Variants in BEND3 observed in about 807,000 individuals in gnomAD.
The protein encoded by BEND3 is BEN domain-containing protein 3.
Under a neutral mutation model 60.1 loss-of-function variants are expected in BEND3, and 13 were observed. That is an observed-to-expected ratio of 0.22 (90% CI 0.14 to 0.34). BEND3 has a LOEUF of 0.34. BEND3 is among the 10% of genes least tolerant of loss of function. BEND3 has a pLI of 1.00. For missense variants in BEND3, 896 were observed against 1,138.1 expected (o/e 0.79, Z 3.06); for synonymous variants, 497 against 491.5 (o/e 1.01, Z -0.15).
chr6:107,107,173 C>G (rs1264909726), intron 1 of BEND3, among the ~76,000 whole-genome samples: 1 of 151,456 alleles, frequency 6.6e-6, no homozygotes, highest in African/African-American at 2.4e-5. Flanking sequence ...CTGACCTCAG[C>G]TGATCCACCC....
chr6:107,097,295 A>T (rs1462050471), intron 3 of BEND3, among the ~76,000 whole-genome samples: 1 of 151,594 alleles, frequency 6.6e-6, no homozygotes, highest in Non-Finnish European at 1.5e-5. Context: ...TGAACCCAGG[A>T]GGCGGAGGTT....
At chr6:107,109,671 C>T (rs1222982482) in intron 1 of BEND3, among the ~76,000 whole-genome samples, 1 of 150,660 alleles carries the variant, frequency 6.6e-6, no homozygotes, top group East Asian at 2.0e-4. Context: ...GTCAGGAGTT[C>T]GAGACCAGCC....
At chr6:107,087,188 G>C (rs191589673) in intron 3 of BEND3, among the ~76,000 whole-genome samples, 3 of 149,572 alleles carry the variant, frequency 2.0e-5, no homozygotes, top group Non-Finnish European at 3.0e-5. Flanking sequence ...AAAAATCAGC[G>C]AACGCCTGTA....
Position 107,074,522 on chromosome 6 carries a change from T to C in BEND3, c.241-3572A>G, listed in dbSNP as rs548040315. On this transcript the variant is annotated intron_variant, in intron 3 of 3. Coordinates refer to ENST00000369042, the MANE Select transcript of BEND3 (RefSeq NM_001367314.1). ...CTGTAGGGGACTTTTATTAGGGGAG[T>C]TGTAATGACACTCTCAAGTACACTG... Among the ~76,000 whole-genome samples, 7 of 151,854 alleles carry C rather than the reference T, an allele frequency of 4.6e-5. No homozygotes were observed. The East Asian group carries it at 9.7e-4, about 21-fold the overall frequency.
chr6:107,084,503 A>G (rs1318480256), intron 3 of BEND3, among the ~76,000 whole-genome samples: 1 of 151,804 alleles, frequency 6.6e-6, no homozygotes, highest in Non-Finnish European at 1.5e-5. Flanking sequence ...CTCTGTAAAA[A>G]CGCACCAATC....
chr6:107,107,639 T>C (rs1554237727), intron 1 of BEND3, among the ~76,000 whole-genome samples: 1 of 152,094 alleles, frequency 6.6e-6, no homozygotes, highest in African/African-American at 2.4e-5. Flanking sequence ...ATTTCTGTAT[T>C]TTCAGTAGAG....
intron 3 of BEND3, among the ~76,000 whole-genome samples, chr6:107,075,033 G>A (rs1408289481): frequency 2.6e-5 from 4 of 151,888 alleles, no homozygotes; most frequent in Non-Finnish European, 4.4e-5. Flanking sequence ...CCCGGGAGGC[G>A]GAGGTGGCAG....
At chr6:107,112,540 G>T (rs1770129655) in intron 1 of BEND3, among the ~76,000 whole-genome samples, 1 of 151,990 alleles carries the variant, frequency 6.6e-6, no homozygotes, top group Non-Finnish European at 1.5e-5. Context: ...CAAGAAGATG[G>T]CATCTCTGGT....
chr6:107,088,599 T>G (rs1275047160), intron 3 of BEND3, among the ~76,000 whole-genome samples: 1 of 151,868 alleles, frequency 6.6e-6, no homozygotes, highest in Admixed American at 6.6e-5. Context: ...CTGAAAGAAG[T>G]AAGGTGGGGA....
chr6:107,091,972 T>C (rs1775485930), intron 3 of BEND3, among the ~76,000 whole-genome samples: 1 of 152,146 alleles, frequency 6.6e-6, no homozygotes, highest in Non-Finnish European at 1.5e-5. Flanking sequence ...TAAAAAAAAC[T>C]GAGGCCAGGC....
chr6:107,097,131 C>T (rs1414865643), intron 3 of BEND3, among the ~76,000 whole-genome samples: 1 of 152,152 alleles, frequency 6.6e-6, no homozygotes, highest in Non-Finnish European at 1.5e-5. Context: ...CTTTGGGAGG[C>T]TGAGGCAGGC....
chr6:107,073,419 G>T (rs1449852027), intron 3 of BEND3, among the ~76,000 whole-genome samples: 2 of 151,186 alleles, frequency 1.3e-5, no homozygotes, highest in Non-Finnish European at 2.9e-5. Flanking sequence ...TCCCTCTGGG[G>T]TCTCCTTGCC....
At chr6:107,111,894 A>T (rs1297970170) in intron 1 of BEND3, among the ~76,000 whole-genome samples, 1 of 151,908 alleles carries the variant, frequency 6.6e-6, no homozygotes, top group African/African-American at 2.4e-5. Context: ...AGGCAGGAGA[A>T]TCACTTGAAC....
At chr6:107,112,649 T>G (rs1355438274) in intron 1 of BEND3, among the ~76,000 whole-genome samples, 7 of 151,068 alleles carry the variant, frequency 4.6e-5, no homozygotes, top group Admixed American at 4.6e-4. Flanking sequence ...AGGTCGGGAG[T>G]TCGAGACCAG....
At chr6:107,075,725 A>G (rs1254118948) in intron 3 of BEND3, among the ~76,000 whole-genome samples, 2 of 152,354 alleles carry the variant, frequency 1.3e-5, no homozygotes, top group African/African-American at 4.8e-5. Flanking sequence ...GAAAGAGATC[A>G]TCAGAAACGT....
chr6:107,114,793 C>T (rs1445029996), intron 1 of BEND3, among the ~76,000 whole-genome samples: 3 of 147,004 alleles, frequency 2.0e-5, no homozygotes, highest in African/African-American at 4.9e-5. Flanking sequence ...CCCCGCGCGG[C>T]GCGCGTGCTC....
intron 3 of BEND3, among the ~76,000 whole-genome samples, chr6:107,086,539 T>C (rs1394598106): frequency 6.6e-6 from 1 of 151,610 alleles, no homozygotes; most frequent in East Asian, 2.0e-4. Flanking sequence ...CGCTTGAATC[T>C]GGGAGGCGAA....
rs564374831 is a variant in BEND3 at position 107,088,813 on chromosome 6, T to C, written c.240+9738A>G. Among the ~76,000 whole-genome samples, 27 of 152,310 alleles carry C rather than the reference T, an allele frequency of 1.8e-4. 1 individual carries two copies. The South Asian group carries it at 5.0e-3, about 28-fold the overall frequency. ...ATCAAGAAAGTAATATAATTTACGATAGCTACAAATAAAAATAAAGTATCT... is the reference window on the plus strand; with the variant it reads ...ATCAAGAAAGTAATATAATTTACGACAGCTACAAATAAAAATAAAGTATCT... On this transcript the variant is annotated intron_variant, in intron 3 of 3. Coordinates refer to ENST00000369042, the MANE Select transcript of BEND3 (RefSeq NM_001367314.1).
intron 1 of BEND3, among the ~76,000 whole-genome samples, chr6:107,107,443 A>G (rs1775841152): frequency 6.6e-6 from 1 of 151,834 alleles, no homozygotes; most frequent in South Asian, 2.1e-4. Context: ...TTTTTAAGGA[A>G]AAGATGTTTA....
Sources: allele counts gnomAD v4.1 joint callset (sites outside exome capture counted in the v4.1 genomes callset), GRCh38; gene constraint gnomAD v4.1.1; transcripts MANE v1.5; gene names NCBI Gene and HGNC (gene_info 2026-07-23, HGNC 2026-07-21).